OR52E5: variants seen among roughly 807,000 people sequenced by gnomAD.
The protein encoded by OR52E5 is olfactory receptor family 52 subfamily E member 5, also known as olfactory receptor 52E5.
At chr11:5,900,542 G>T in intron 2 of OR52E5, 90 bp from the exon 3 acceptor site, 4 of 349,042 alleles carry the variant, frequency 1.1e-5, no homozygotes, top group Middle Eastern at 7.5e-4. Context: ...GCTATATTTT[G>T]GAAACTTTCT....
intron 2 of OR52E5, among the ~76,000 whole-genome samples, chr11:5,898,207 A>AT (rs1362375756): frequency 4.0e-5 from 6 of 151,644 alleles, no homozygotes; most frequent in Admixed American, 1.3e-4. Context: ...GATGATGAAC[A>AT]TTTTTTCATA....
At chr11:5,894,266 C>A (rs1847142775) in intron 1 of OR52E5, among the ~76,000 whole-genome samples, 2 of 152,108 alleles carry the variant, frequency 1.3e-5, no homozygotes, top group South Asian at 4.1e-4. Flanking sequence ...TAACAGATTA[C>A]TGGACCCCTC....
In OR52E5 at chr11:5,902,447, T is replaced by A. The variant is rs1334393119; in HGVS notation, c.*687T>A. On this transcript the variant is annotated 3_prime_UTR_variant, in exon 3 of 3. Transcript: ENST00000610445. ...CTAGTATACAATCCCTGGTTTGAGGTCAGCTCTCCAGATCCAGATTATCCC... is the reference window on the plus strand; with the variant it reads ...CTAGTATACAATCCCTGGTTTGAGGACAGCTCTCCAGATCCAGATTATCCC... 1 of 152,204 alleles carries A rather than the reference T, an allele frequency of 6.6e-6. No homozygotes were observed. The highest frequency in any genetic ancestry group is 1.5e-5 in the Non-Finnish European group (1 of 68,020). 9.4% of individuals were successfully genotyped at this position (152,204 alleles called of 1,614,324 possible).
At chr11:5,896,566 G>C (rs547686615) in intron 2 of OR52E5, among the ~76,000 whole-genome samples, 7 of 152,248 alleles carry the variant, frequency 4.6e-5, no homozygotes, top group Admixed American at 3.9e-4. Flanking sequence ...AAGGCAGCAA[G>C]TGGTGAGTAC....
In OR52E5 at chr11:5,901,558, A is replaced by G. The variant is rs1847254689; in HGVS notation, c.782A>G (p.His261Arg). ...YLPALFSFMTHRFGHNIPHYI... is the reference protein window; with the variant it reads ...YLPALFSFMTRRFGHNIPHYI... ...CCAGCCCTCTTTTCCTTCATGACAC[A>G]CCGCTTTGGCCACAACATCCCTCAT... Residue 261 changes from histidine (H) to arginine (R), a missense_variant, in exon 3 of 3, where the codon CAC becomes CGC. Physicochemically the swap from His to Arg is conservative, Grantham distance 29. Transcript: ENST00000610445. 5.0e-6 allele frequency: 2 copies of G among 401,656 alleles called. No homozygotes were observed. Among genetic ancestry groups the G allele is most frequent in the Admixed American group, 8.8e-5 (2 of 22,690 alleles). The allele number at this position is 401,656 out of a possible 1,614,324, so 24.9% of individuals were successfully genotyped here.
Position 5,901,678 on chromosome 11 carries a change from A to AG in OR52E5, c.904dup (p.Val302GlyfsTer3), listed in dbSNP as rs1847257019. ...GTCAAAACAAAACAGATACGAGAGC[A>AG]GGTACTTAGGATACTCAACCCTAAA... On this transcript the variant is annotated frameshift_variant, in exon 3 of 3. Coordinates refer to ENST00000610445, the MANE Select transcript of OR52E5 (RefSeq NM_001005166.5). LOFTEE classifies it low-confidence loss of function (END_TRUNC). 1 of 401,092 alleles carries AG rather than the reference A, an allele frequency of 2.5e-6. No homozygotes were observed. Among genetic ancestry groups the AG allele is most frequent in the African/African-American group, 2.1e-5 (1 of 48,714 alleles). 24.8% of individuals were successfully genotyped at this position (401,092 alleles called of 1,614,324 possible). A position where few individuals can be genotyped will look rare whatever the true frequency, so the allele number is the denominator to read the frequency against.
At chr11:5,894,190 T>C (rs1440730903) in intron 1 of OR52E5, among the ~76,000 whole-genome samples, 1 of 152,168 alleles carries the variant, frequency 6.6e-6, no homozygotes, top group Non-Finnish European at 1.5e-5. Flanking sequence ...AATTATAACC[T>C]AGTGGTAGAT....
chr11:5,896,719 T>C (rs1847181229), intron 2 of OR52E5, among the ~76,000 whole-genome samples: 1 of 152,184 alleles, frequency 6.6e-6, no homozygotes, highest in Non-Finnish European at 1.5e-5. Flanking sequence ...GGACAGTCCC[T>C]GCATGATGTG....
chr11:5,900,824 A>G lies in OR52E5; in HGVS notation c.48A>G (p.Val16=). 1 of 401,322 alleles carries G rather than the reference A, an allele frequency of 2.5e-6. No individual in the cohort carries two copies. Among genetic ancestry groups the G allele is most frequent in the Non-Finnish European group, 4.4e-6 (1 of 226,276 alleles). The allele number at this position is 401,322 out of a possible 1,614,324, so 24.9% of individuals were successfully genotyped here. A position where few individuals can be genotyped will look rare whatever the true frequency, so the allele number is the denominator to read the frequency against. ...NTQFHPSTFL[V]VGVPGLEDVH... ...AGTTTCACCCTTCCACCTTCCTCGTAGTGGGGGTCCCAGGGCTGGAAGATG... is the reference window on the plus strand; with the variant it reads ...AGTTTCACCCTTCCACCTTCCTCGTGGTGGGGGTCCCAGGGCTGGAAGATG... Residue 16 remains valine, a synonymous_variant, in exon 3 of 3, where the codon GTA becomes GTG. Coordinates refer to ENST00000610445, the MANE Select transcript of OR52E5 (RefSeq NM_001005166.5).
Position 5,900,677 on chromosome 11 carries a change from C to T in OR52E5, c.-100C>T, listed in dbSNP as rs1847236950. On this transcript the variant is annotated 5_prime_UTR_variant, in exon 3 of 3. Transcript: ENST00000610445. ...GAGTTAAAGAATGGATTTTCTGTTT[C>T]CCCAAGAAATAGACACCATGCTGTG... 1 of 397,664 alleles carries T rather than the reference C, an allele frequency of 2.5e-6. No homozygotes were observed. Among genetic ancestry groups the T allele is most frequent in the Non-Finnish European group, 4.4e-6 (1 of 225,720 alleles). The allele number at this position is 397,664 out of a possible 1,614,324, so 24.6% of individuals were successfully genotyped here.
chr11:5,902,643 A>G lies in OR52E5; in HGVS notation c.*883A>G, dbSNP rs1213890794. Reference sequence around the variant, plus strand: ...AGAGTGGGTTTTAGGGCAGACTGTAATAGTGTGGCTGCTGAAATAATATAA... The same window carrying G: ...AGAGTGGGTTTTAGGGCAGACTGTAGTAGTGTGGCTGCTGAAATAATATAA... On this transcript the variant is annotated 3_prime_UTR_variant, in exon 3 of 3. Coordinates refer to ENST00000610445, the MANE Select transcript of OR52E5 (RefSeq NM_001005166.5). The G allele has an allele frequency of 6.6e-6, 1 of 152,206 alleles. No homozygotes were observed. Among genetic ancestry groups the G allele is most frequent in the Non-Finnish European group, 1.5e-5 (1 of 68,034 alleles). The allele number at this position is 152,206 out of a possible 1,614,324, so 9.4% of individuals were successfully genotyped here.
intron 2 of OR52E5, among the ~76,000 whole-genome samples, chr11:5,896,030 CAGAG>C (rs1356021846): frequency 2.0e-5 from 3 of 150,792 alleles, no homozygotes; most frequent in African/African-American, 7.3e-5. Context: ...GCCTGGGAAA[CAGAG>C]AGAGACTCCA....
chr11:5,900,028 T>G (rs1041990776), intron 2 of OR52E5, among the ~76,000 whole-genome samples: 1 of 152,124 alleles, frequency 6.6e-6, no homozygotes, highest in Non-Finnish European at 1.5e-5. Flanking sequence ...TGCCCATTTA[T>G]ATAATGCGAA....
Position 5,901,939 on chromosome 11 carries a change from A to C in OR52E5, c.*179A>C. On this transcript the variant is annotated 3_prime_UTR_variant, in exon 3 of 3. Transcript: ENST00000610445. ...TGTTTCACCCATTAAAAGTGCAAAA[A>C]GTACTCACACTTAAGCCCCATGATA... 2.5e-6 allele frequency: 1 copy of C among 392,846 alleles called. No individual in the cohort carries two copies. The highest frequency in any genetic ancestry group is 3.6e-5 in the East Asian group (1 of 27,688). 24.3% of individuals were successfully genotyped at this position (392,846 alleles called of 1,614,324 possible).
At chr11:5,896,245 C>CCAAAAAA (rs1157140941) in intron 2 of OR52E5, among the ~76,000 whole-genome samples, 1 of 7,702 alleles carries the variant, frequency 1.3e-4, no homozygotes, top group African/African-American at 6.4e-4. Flanking sequence ...CTCGTCTCTA[C>CCAAAAAA]TAAAAAAAAA....
At chr11:5,897,379 T>C (rs931834470) in intron 2 of OR52E5, among the ~76,000 whole-genome samples, 1 of 152,228 alleles carries the variant, frequency 6.6e-6, no homozygotes, top group Non-Finnish European at 1.5e-5. Context: ...AGTGAGAACA[T>C]ATGCTATTTG....
rs947127724 is a variant in OR52E5 at position 5,901,471 on chromosome 11, C to T, written c.695C>T (p.Ala232Val). 2 of 401,710 alleles carry T rather than the reference C, an allele frequency of 5.0e-6. No individual in the cohort carries two copies. Among genetic ancestry groups the T allele is most frequent in the Non-Finnish European group, 8.8e-6 (2 of 226,368 alleles). 24.9% of individuals were successfully genotyped at this position (401,710 alleles called of 1,614,324 possible). ...GTCTTCCATCTCCCAGCCTGGGATGCCCGGCCTAAGGCACTCAGCACATGT... is the reference window on the plus strand; with the variant it reads ...GTCTTCCATCTCCCAGCCTGGGATGTCCGGCCTAAGGCACTCAGCACATGT... ...RAVFHLPAWD[A>V]RPKALSTCGS... Residue 232 changes from alanine to valine, a missense_variant, in exon 3 of 3, where the codon GCC (alanine) becomes GTC (valine). Physicochemically the swap from Ala to Val is moderately conservative, Grantham distance 64. Coordinates refer to ENST00000610445, the MANE Select transcript of OR52E5 (RefSeq NM_001005166.5).
rs192165004 is a variant in OR52E5, at chr11:5,893,973, T to C, written c.-228+703T>C. Among the ~76,000 whole-genome samples, 5 of 152,296 alleles carry C rather than the reference T, an allele frequency of 3.3e-5. 1 individual carries two copies. Among genetic ancestry groups the C allele is most frequent in the African/African-American group, 1.2e-4 (5 of 41,574 alleles). On this transcript the variant is annotated intron_variant, in intron 1 of 2. Coordinates refer to ENST00000610445, the MANE Select transcript of OR52E5 (RefSeq NM_001005166.5). The stretch of plus-strand genomic sequence containing the variant: ...TACCTTCCTGGCTTCTTTATAAGCA[T>C]ATTTTCCCAGAGCCTTTCTCAAAAA...
chr11:5,896,489 TTGTAAC>T (rs1349624043), intron 2 of OR52E5, among the ~76,000 whole-genome samples: 36 of 152,046 alleles, frequency 2.4e-4, no homozygotes, highest in Non-Finnish European at 4.6e-4. Context: ...TTTCAAATCT[TTGTAAC>T]TGTAAGGATG....
Sources: gnomAD v4.1 joint callset for allele counts (sites outside exome capture counted in the v4.1 genomes callset) on GRCh38, gnomAD v4.1.1 for gene constraint, MANE v1.5 for transcripts, NCBI Gene and HGNC (gene_info 2026-07-23, HGNC 2026-07-21) for gene names.